The following ZFP90 variants were observed in gnomAD, a reference collection of about 807,000 sequenced individuals.
The protein encoded by ZFP90 is zinc finger protein 90 homolog.
In ZFP90, 38 loss-of-function variants were observed where a neutral mutation model predicts 60.8. The ratio of observed to expected loss-of-function variants is 0.62; its 90% CI spans 0.48 to 0.82. The LOEUF is 0.82. ZFP90 is among the 40% of genes least tolerant of loss of function. The pLI is 0.00. For synonymous variants in ZFP90, 287 were observed against 264.8 expected, an observed-to-expected ratio of 1.08 and a Z score of -0.82; for missense variants, 711 against 759.1, an observed-to-expected ratio of 0.94 and a Z score of 0.74.
At chr16:68,544,818 A>G (rs2091116326) in intron 2 of ZFP90, among the ~76,000 whole-genome samples, 1 of 148,508 alleles carries the variant, frequency 6.7e-6, no homozygotes, top group Non-Finnish European at 1.5e-5. Flanking sequence ...CTTCCCGTGT[A>G]ACGTTAGGTA....
At chr16:68,556,161 T>A (rs1004409890) in intron 2 of ZFP90, among the ~76,000 whole-genome samples, 2 of 151,724 alleles carry the variant, frequency 1.3e-5, no homozygotes, top group Non-Finnish European at 2.9e-5. Flanking sequence ...GAGAGTGAGA[T>A]CCTGTCTCCA....
At chr16:68,575,598 A>G (rs1426196490) in intron 2 of ZFP90, among the ~76,000 whole-genome samples, 3 of 151,120 alleles carry the variant, frequency 2.0e-5, no homozygotes, top group Non-Finnish European at 3.0e-5. Flanking sequence ...ATGACAGTGT[A>G]GAAAACCAAT....
chr16:68,561,189 C>T (rs1425415493), intron 4 of ZFP90, among the ~76,000 whole-genome samples: 1 of 152,236 alleles, frequency 6.6e-6, no homozygotes, highest in Non-Finnish European at 1.5e-5. Flanking sequence ...GCCACTGCGC[C>T]CAGCCTAATG....
chr16:68,576,169 A>C (rs924856304), downstream of ZFP90: 1 of 190,584 alleles, frequency 5.2e-6, no homozygotes, highest in Non-Finnish European at 1.1e-5. Flanking sequence ...AACCACTGGA[A>C]GGAGCAGAAT....
intron 2 of ZFP90, among the ~76,000 whole-genome samples, chr16:68,547,069 A>G (rs1008034842): frequency 2.0e-5 from 3 of 152,218 alleles, no homozygotes; most frequent in Non-Finnish European, 4.4e-5. Context: ...TGAGGCATTG[A>G]ACTATTGAAC....
At chr16:68,534,110 C>G (rs2090944556) in intron 2 of ZFP90, among the ~76,000 whole-genome samples, 1 of 151,804 alleles carries the variant, frequency 6.6e-6, no homozygotes, top group Non-Finnish European at 1.5e-5. Context: ...TTTTTTATCT[C>G]TTTGTCCATT....
At position 68,566,771 on chromosome 16, in the gene ZFP90, C is replaced by T. The variant is rs969660046; in HGVS notation, c.*2073C>T. ...GGATGCCTGTCAGGAACTCATTATG[C>T]TACTGGTTGTTTGGGGATCCCCATA... is the stretch of plus-strand genomic sequence containing the variant. On this transcript the variant is annotated 3_prime_UTR_variant, in exon 5 of 5. Coordinates refer to ENST00000563169, the MANE Select transcript of ZFP90 (RefSeq NM_001305203.2). 1.0e-5 allele frequency: 10 copies of T among 985,452 alleles called. No individual in the cohort carries two copies. Among genetic ancestry groups the T allele is most frequent in the Non-Finnish European group, 1.2e-5 (10 of 829,964 alleles). The allele number at this position is 985,452 out of a possible 1,614,324, so 61.0% of individuals were successfully genotyped here.
intron 1 of ZFP90, 106 bp from the exon 2 acceptor site, chr16:68,539,652 C>T (rs1348559513): frequency 3.3e-6 from 3 of 915,300 alleles, no homozygotes; most frequent in Admixed American, 6.4e-5. Context: ...CGGTCCTCGC[C>T]ACCATCTCCC....
At chr16:68,572,744 T>C (rs1482072524) in intron 2 of ZFP90, among the ~76,000 whole-genome samples, 1 of 152,226 alleles carries the variant, frequency 6.6e-6, no homozygotes, top group Non-Finnish European at 1.5e-5. Flanking sequence ...CAGGCCCACT[T>C]CACAGCTGTC....
At position 68,564,256 on chromosome 16, in the gene ZFP90, C is replaced by G; in HGVS notation, c.1469C>G (p.Ser490Cys). The G allele has an allele frequency of 1.2e-6, 2 of 1,613,908 alleles. No homozygotes were observed. Among genetic ancestry groups the G allele is most frequent in the Non-Finnish European group, 1.7e-6 (2 of 1,179,956 alleles). ...CAGGCTTTTAGTCAGCAAGCTATTT[C>G]TCATCCTGGAGAGAAACCCTATCAA... ...CEQAFSQQAISHPGEKPYQCN... is the reference protein window; with the variant it reads ...CEQAFSQQAICHPGEKPYQCN... Residue 490 changes from serine (S) to cysteine (C), a missense_variant, in exon 5 of 5, where the codon TCT becomes TGT. By Grantham distance (112) the Ser-to-Cys change is moderately radical. This residue lies in a region of ZFP90 where 295 missense variants were observed against 274.0 expected (regional missense o/e 1.08). Transcript: ENST00000563169.
At chr16:68,560,542 TTTATTTA>T (rs1567408047) in intron 4 of ZFP90, among the ~76,000 whole-genome samples, 120 of 151,858 alleles carry the variant, frequency 7.9e-4, no homozygotes, top group African/African-American at 2.6e-3. Flanking sequence ...CTGGATTTTA[TTTATTTA>T]TTTATTTATT....
At chr16:68,546,668 C>T (rs1381575252) in intron 2 of ZFP90, among the ~76,000 whole-genome samples, 3 of 152,138 alleles carry the variant, frequency 2.0e-5, no homozygotes, top group Non-Finnish European at 4.4e-5. Flanking sequence ...TGCGCCACCA[C>T]GCCCAGCTAA....
chr16:68,534,449 T>C (rs62059503), upstream of ZFP90, among the ~76,000 whole-genome samples: 113,499 of 148,416 alleles, frequency 0.76, 43,496 homozygotes, highest in East Asian at 0.82. Flanking sequence ...AGCATGGTCT[T>C]GATCTCCTAA....
intron 2 of ZFP90, among the ~76,000 whole-genome samples, chr16:68,551,322 A>G (rs997867238): frequency 1.3e-5 from 2 of 152,058 alleles, no homozygotes; most frequent in Non-Finnish European, 2.9e-5. Context: ...AGTCTTCTCA[A>G]CTTAGTATAT....
chr16:68,543,706 A>T (rs1181878674), intron 2 of ZFP90, among the ~76,000 whole-genome samples: 3 of 150,722 alleles, frequency 2.0e-5, no homozygotes, highest in Admixed American at 2.0e-4. Flanking sequence ...GATTACAGGC[A>T]TGTGTCACCA....
At chr16:68,575,815 C>T (rs893079365) in exon 3 of ZFP90, 20 of 398,180 alleles carry the variant, frequency 5.0e-5, no homozygotes, top group Middle Eastern at 1.2e-3. Flanking sequence ...CTGCCGCTGT[C>T]GCTACCATCT....
At position 68,565,215 on chromosome 16, in the gene ZFP90, G is replaced by A; in HGVS notation, c.*517G>A. On this transcript the variant is annotated 3_prime_UTR_variant, in exon 5 of 5. Coordinates refer to ENST00000563169, the MANE Select transcript of ZFP90 (RefSeq NM_001305203.2). The stretch of plus-strand genomic sequence containing the variant: ...GTACAGATGAAGACTGAAAGCCAAA[G>A]ATGTGAAGTGGTTTCCACAGTATGA... 1 of 986,628 alleles carries A rather than the reference G, an allele frequency of 1.0e-6. No individual in the cohort carries two copies. 61.1% of individuals were successfully genotyped at this position (986,628 alleles called of 1,614,324 possible).
At chr16:68,557,294 GTGAACCA>G (rs753818233) in intron 2 of ZFP90, 1 of 455,806 alleles carries the variant, frequency 2.2e-6, no homozygotes, top group South Asian at 1.5e-5. Flanking sequence ...GATTACAGGT[GTGAACCA>G]CCCGCGTGCC....
At chr16:68,534,225 C>CTTTT (rs71380455) in intron 2 of ZFP90, among the ~76,000 whole-genome samples, 1 of 143,108 alleles carries the variant, frequency 7.0e-6, no homozygotes, top group African/African-American at 2.6e-5. Flanking sequence ...TAAAGATTTT[C>CTTTT]TTTCTTTCTT....
Sources: gnomAD v4.1 joint callset for allele counts (sites outside exome capture counted in the v4.1 genomes callset) on GRCh38, gnomAD v4.1.1 for gene constraint, gnomAD v4.1.1 regional missense constraint, MANE v1.5 for transcripts, NCBI Gene and HGNC (gene_info 2026-07-23, HGNC 2026-07-21) for gene names.